GLIS1: variants seen among roughly 807,000 people sequenced by gnomAD.
GLIS1 encodes zinc finger protein GLIS1.
In GLIS1, 24 loss-of-function variants were observed where a neutral mutation model predicts 63.8. The observed-to-expected ratio is 0.38, with a 90% CI of 0.27 to 0.53. The LOEUF is 0.53. Among genes scored for constraint, GLIS1 ranks in the 20% least tolerant of loss-of-function variants. GLIS1 has a pLI of 0.85. For missense variants in GLIS1, 1,036 were observed against 1,074.1 expected (o/e 0.96, Z 0.50); for synonymous variants, 450 against 482.5 (o/e 0.93, Z 0.88).
intron 4 of GLIS1, among the ~76,000 whole-genome samples, chr1:53,566,911 A>G (rs1352944474): frequency 6.6e-6 from 1 of 152,240 alleles, no homozygotes; most frequent in Non-Finnish European, 1.5e-5. Context: ...GAAGTTCTTT[A>G]TAGCAGTGTG....
intron 4 of GLIS1, among the ~76,000 whole-genome samples, chr1:53,566,723 G>A (rs919695937): frequency 2.0e-5 from 3 of 152,198 alleles, no homozygotes; most frequent in Non-Finnish European, 4.4e-5. Flanking sequence ...TTAAAAGTGT[G>A]TGGCACCTCC....
At chr1:53,675,830 C>T (rs1183722360) in intron 2 of GLIS1, among the ~76,000 whole-genome samples, 1 of 152,092 alleles carries the variant, frequency 6.6e-6, no homozygotes, top group Non-Finnish European at 1.5e-5. Context: ...CATTGTCCTG[C>T]CACTTCTTCA....
At chr1:53,701,782 C>A (rs905785329) in intron 2 of GLIS1, among the ~76,000 whole-genome samples, 1 of 152,040 alleles carries the variant, frequency 6.6e-6, no homozygotes, top group Non-Finnish European at 1.5e-5. Flanking sequence ...CACTTTAGGT[C>A]CGGAGTTTGA....
intron 2 of GLIS1, among the ~76,000 whole-genome samples, chr1:53,600,800 A>T (rs1366247971): frequency 6.6e-6 from 1 of 152,240 alleles, no homozygotes; most frequent in Admixed American, 6.5e-5. Flanking sequence ...ACAAAAGCTC[A>T]GTCTACATTG....
At chr1:53,700,901 A>G (rs566420464) in intron 2 of GLIS1, among the ~76,000 whole-genome samples, 3 of 152,238 alleles carry the variant, frequency 2.0e-5, no homozygotes, top group Non-Finnish European at 4.4e-5. Context: ...GGCTTCTTCC[A>G]CACAGCATAA....
chr1:53,641,566 C>G (rs889380926), intron 2 of GLIS1, among the ~76,000 whole-genome samples: 4 of 152,130 alleles, frequency 2.6e-5, no homozygotes. Flanking sequence ...GGGCTCATCA[C>G]CTGAAAAATG....
At chr1:53,552,573 T>C (rs1221612916) in intron 4 of GLIS1, among the ~76,000 whole-genome samples, 1 of 152,234 alleles carries the variant, frequency 6.6e-6, no homozygotes, top group Non-Finnish European at 1.5e-5. Context: ...GTGATTTACA[T>C]GACCACAACC....
At chr1:53,600,527 C>A (rs1645305722) in intron 2 of GLIS1, among the ~76,000 whole-genome samples, 1 of 152,148 alleles carries the variant, frequency 6.6e-6, no homozygotes, top group African/African-American at 2.4e-5. Context: ...ATGACTGTTA[C>A]ATGAACACTG....
At chr1:53,659,168 A>AG (rs1424744718) in intron 2 of GLIS1, among the ~76,000 whole-genome samples, 2 of 152,194 alleles carry the variant, frequency 1.3e-5, no homozygotes, top group Admixed American at 6.5e-5. Context: ...TGGCTCTGCA[A>AG]GCAAGGAGGC....
At chr1:53,733,863 C>T in intron 2 of GLIS1, 1 of 958,322 alleles carries the variant, frequency 1.0e-6, no homozygotes, top group Non-Finnish European at 1.2e-6. Flanking sequence ...AAATTGCCCA[C>T]CGGAGCCGGA....
intron 4 of GLIS1, among the ~76,000 whole-genome samples, chr1:53,546,100 C>A (rs964818116): frequency 2.0e-5 from 3 of 152,234 alleles, no homozygotes; most frequent in Non-Finnish European, 4.4e-5. Flanking sequence ...TGAGACCCAC[C>A]CACCGATGCA....
At chr1:53,551,432 G>A (rs2100403458) in intron 4 of GLIS1, among the ~76,000 whole-genome samples, 1 of 152,312 alleles carries the variant, frequency 6.6e-6, no homozygotes, top group East Asian at 1.9e-4. Flanking sequence ...TAATTGCAGG[G>A]CAAGGGGGGT....
intron 3 of GLIS1, among the ~76,000 whole-genome samples, chr1:53,595,459 G>A (rs900040678): frequency 4.6e-5 from 7 of 152,156 alleles, no homozygotes. Flanking sequence ...GGTTGAGGCT[G>A]CAGGGAGCCA....
At chr1:53,604,676 A>G (rs891443614) in intron 2 of GLIS1, among the ~76,000 whole-genome samples, 1 of 152,092 alleles carries the variant, frequency 6.6e-6, no homozygotes, top group African/African-American at 2.4e-5. Flanking sequence ...TTTTGCATCC[A>G]TCACCTGTGA....
intron 3 of GLIS1, among the ~76,000 whole-genome samples, chr1:53,597,234 G>A (rs542231323): frequency 7.7e-4 from 114 of 147,552 alleles, no homozygotes; most frequent in African/African-American, 2.7e-3. Context: ...TTAGCCGGGT[G>A]TGGTGGCGGG....
At chr1:53,647,154 T>G (rs1323001720) in intron 2 of GLIS1, among the ~76,000 whole-genome samples, 1 of 152,216 alleles carries the variant, frequency 6.6e-6, no homozygotes, top group Non-Finnish European at 1.5e-5. Context: ...TCTTCCCAAA[T>G]TTATCTAGAG....
intron 4 of GLIS1, among the ~76,000 whole-genome samples, chr1:53,580,977 G>T (rs1027023934): frequency 6.6e-6 from 1 of 152,066 alleles, no homozygotes; most frequent in African/African-American, 2.4e-5. Context: ...CTACTATGTG[G>T]AGGACTTGAT....
chr1:53,553,182 C>G (rs1396302329), intron 4 of GLIS1, among the ~76,000 whole-genome samples: 1 of 152,170 alleles, frequency 6.6e-6, no homozygotes, highest in Non-Finnish European at 1.5e-5. Flanking sequence ...GCTTCAAAAC[C>G]AGGATAAACC....
intron 4 of GLIS1, among the ~76,000 whole-genome samples, chr1:53,581,054 T>C (rs1645080090): frequency 6.6e-6 from 1 of 152,192 alleles, no homozygotes; most frequent in Non-Finnish European, 1.5e-5. Flanking sequence ...TGGGCCTCAG[T>C]TTCCAAATTT....
Sources: gnomAD v4.1 joint callset for allele counts (sites outside exome capture counted in the v4.1 genomes callset) on GRCh38, gnomAD v4.1.1 for gene constraint, MANE v1.5 for transcripts, NCBI Gene and HGNC (gene_info 2026-07-23, HGNC 2026-07-21) for gene names.